The following DZIP3 variants were observed in gnomAD, a reference collection of about 807,000 sequenced individuals.
DZIP3 encodes the protein E3 ubiquitin-protein ligase DZIP3.
A neutral mutation model predicts 162.0 loss-of-function variants in DZIP3; 118 were observed. The ratio of observed to expected loss-of-function variants is 0.73; its 90% confidence interval spans 0.63 to 0.85. DZIP3 has a LOEUF of 0.85. Among genes scored for constraint, DZIP3 ranks in the 40% least tolerant of loss-of-function variants. The pLI, the probability that DZIP3 is intolerant of heterozygous loss-of-function variation, is 0.00. For missense variants in DZIP3, 1,331 were observed against 1,407.0 expected (o/e 0.95, Z 0.86); for synonymous variants, 438 against 458.6 (o/e 0.96, Z 0.57).
At chr3:108,615,960 C>T (rs1446382233) in intron 4 of DZIP3, among the ~76,000 whole-genome samples, 1 of 151,980 alleles carries the variant, frequency 6.6e-6, no homozygotes. Context: ...ATAGGAATGC[C>T]TTTTTAAAAA....
At chr3:108,688,380 G>C (rs1210741755) in intron 29 of DZIP3, among the ~76,000 whole-genome samples, 1 of 152,112 alleles carries the variant, frequency 6.6e-6, no homozygotes, top group Non-Finnish European at 1.5e-5. Flanking sequence ...TTTCTTGAAA[G>C]ATTTATTTTA....
At chr3:108,591,711 C>CAGGA (rs1939429190) in intron 1 of DZIP3, among the ~76,000 whole-genome samples, 1 of 152,140 alleles carries the variant, frequency 6.6e-6, no homozygotes, top group African/African-American at 2.4e-5. Context: ...AGAAAAGGAG[C>CAGGA]AGGAGGCCAG....
intron 18 of DZIP3, among the ~76,000 whole-genome samples, chr3:108,651,610 A>G (rs754380370): frequency 6.6e-6 from 1 of 151,368 alleles, no homozygotes; most frequent in Non-Finnish European, 1.5e-5. Context: ...TGTCCCAGTG[A>G]CCCCTTTTAC....
intron 1 of DZIP3, among the ~76,000 whole-genome samples, chr3:108,596,689 G>A (rs1939730982): frequency 2.0e-5 from 3 of 152,202 alleles, no homozygotes. Flanking sequence ...CAGAGGCCTT[G>A]AGGTGTGCAG....
At chr3:108,592,705 CAA>C (rs59524030) in intron 1 of DZIP3, among the ~76,000 whole-genome samples, 190 of 63,846 alleles carry the variant, frequency 3.0e-3, no homozygotes, top group African/African-American at 7.3e-3. Context: ...GACCCTGTCT[CAA>C]AAAAAAAAAA....
intron 12 of DZIP3, among the ~76,000 whole-genome samples, chr3:108,640,768 A>G (rs1183314402): frequency 2.0e-5 from 3 of 151,944 alleles, no homozygotes; most frequent in Non-Finnish European, 4.4e-5. Context: ...TAACCCTGAT[A>G]ATATTCTTGC....
At chr3:108,601,460 CT>C (rs1254769858) in intron 1 of DZIP3, among the ~76,000 whole-genome samples, 1 of 152,132 alleles carries the variant, frequency 6.6e-6, no homozygotes, top group East Asian at 1.9e-4. Context: ...TATTCCTTTC[CT>C]GAAAAAGACA....
intron 15 of DZIP3, 109 bp downstream of exon 15, chr3:108,646,758 T>C: frequency 1.2e-6 from 1 of 866,124 alleles, no homozygotes; most frequent in Non-Finnish European, 1.7e-6. Context: ...TGTGAAGAAC[T>C]TGGGCCAGGC....
intron 19 of DZIP3, among the ~76,000 whole-genome samples, chr3:108,657,940 C>G: frequency 6.6e-6 from 1 of 152,108 alleles, no homozygotes; most frequent in Non-Finnish European, 1.5e-5. Context: ...GAAGAGCTAA[C>G]TATCCTAAAT....
intron 19 of DZIP3, among the ~76,000 whole-genome samples, chr3:108,656,256 A>T (rs933152236): frequency 4.6e-5 from 7 of 152,208 alleles, no homozygotes; most frequent in African/African-American, 1.7e-4. Context: ...GTAGGGGCAG[A>T]CTGACACCTC....
At chr3:108,633,406 T>C (rs1205386578) in intron 9 of DZIP3, among the ~76,000 whole-genome samples, 1 of 151,942 alleles carries the variant, frequency 6.6e-6, no homozygotes, top group Non-Finnish European at 1.5e-5. Context: ...TAGTTAGAAT[T>C]GTTAGAGGTT....
intron 1 of DZIP3, among the ~76,000 whole-genome samples, chr3:108,599,083 GA>G (rs1215389329): frequency 6.6e-6 from 1 of 152,174 alleles, no homozygotes; most frequent in Non-Finnish European, 1.5e-5. Context: ...TTTGCTTTAG[GA>G]AAGGATGTTT....
chr3:108,690,864 T>A lies in DZIP3; in HGVS notation c.3594T>A (p.Pro1198=). 6.2e-7 allele frequency: 1 copy of A among 1,614,192 alleles called. No homozygotes were observed. The highest frequency in any genetic ancestry group is 8.5e-7 in the Non-Finnish European group (1 of 1,180,002). ...ACGTTTTGCTACCAGAAGAATTCCC[T>A]GGTCACCCCAGCCGGCAGTTGCCCA... The part of the protein sequence containing the change: ...RLHVLLPEEF[P]GHPSRQLPKI The change falls in exon 32 of 33, where the codon CCT becomes CCA. Residue 1198 remains proline (P), a synonymous_variant. Transcript: ENST00000361582.
chr3:108,625,633 A>G (rs940161828), intron 6 of DZIP3, among the ~76,000 whole-genome samples: 1 of 152,208 alleles, frequency 6.6e-6, no homozygotes, highest in African/African-American at 2.4e-5. Flanking sequence ...GAAGGTCTTA[A>G]GTTTATTTAT....
At chr3:108,631,055 A>ACACACACACACACACACTCT in intron 8 of DZIP3, among the ~76,000 whole-genome samples, 20 of 18,006 alleles carry the variant, frequency 1.1e-3, no homozygotes, top group Admixed American at 1.7e-3. Context: ...ACACACACAC[A>ACACACACACACACACACTCT]CTCTCTCTCT....
intron 11 of DZIP3, among the ~76,000 whole-genome samples, 181 bp from the exon 12 acceptor site, chr3:108,637,315 T>C (rs1942200296): frequency 6.6e-6 from 1 of 152,108 alleles, no homozygotes; most frequent in Non-Finnish European, 1.5e-5. Context: ...TAAGGTCAAC[T>C]CTAGTTCGTT....
At chr3:108,628,612 A>G (rs1285978108) in intron 7 of DZIP3, among the ~76,000 whole-genome samples, 1 of 152,186 alleles carries the variant, frequency 6.6e-6, no homozygotes, top group Non-Finnish European at 1.5e-5. Flanking sequence ...ATTCAATATC[A>G]GTTTGTTTCA....
chr3:108,662,468 C>T (rs890282226), intron 21 of DZIP3, among the ~76,000 whole-genome samples: 1 of 152,134 alleles, frequency 6.6e-6, no homozygotes, highest in African/African-American at 2.4e-5. Context: ...TCAAGCTTTT[C>T]ATGTATTGGC....
intron 18 of DZIP3, among the ~76,000 whole-genome samples, chr3:108,651,472 A>G (rs1165132434): frequency 6.6e-6 from 1 of 151,670 alleles, no homozygotes; most frequent in East Asian, 1.9e-4. Context: ...TAGACATTGT[A>G]GTCTAGACCA....
Sources: allele counts gnomAD v4.1 joint callset (sites outside exome capture counted in the v4.1 genomes callset), GRCh38; gene constraint gnomAD v4.1.1; transcripts MANE v1.5; gene names NCBI Gene and HGNC (gene_info 2026-07-23, HGNC 2026-07-21).